Variants in ATP2B2 observed in about 807,000 individuals in gnomAD.
ATP2B2 encodes plasma membrane calcium-transporting ATPase 2.
Under a neutral mutation model 120.0 loss-of-function variants are expected in ATP2B2, and 15 were observed. The ratio of observed to expected loss-of-function variants is 0.12; its 90% CI spans 0.08 to 0.19. The LOEUF (loss-of-function observed/expected upper bound fraction) is 0.19. ATP2B2 is among the 10% of genes least tolerant of loss of function. ATP2B2 has a pLI of 1.00. For synonymous variants in ATP2B2, 694 were observed against 700.3 expected (o/e 0.99, Z 0.14); for missense variants, 1,045 against 1,719.8 (o/e 0.61, Z 6.94).
At chr3:10,396,094 G>A (rs2062026453) in intron 5 of ATP2B2, among the ~76,000 whole-genome samples, 2 of 152,232 alleles carry the variant, frequency 1.3e-5, no homozygotes, top group African/African-American at 2.4e-5. Context: ...GCCCTCACTT[G>A]TCAGATGGGG....
chr3:10,664,466 G>A (rs929224628), intron 1 of ATP2B2, among the ~76,000 whole-genome samples: 13 of 152,076 alleles, frequency 8.5e-5, no homozygotes, highest in Non-Finnish European at 1.5e-4. Flanking sequence ...TTCCTTTTCT[G>A]AAAGATTTGT....
intron 1 of ATP2B2, among the ~76,000 whole-genome samples, chr3:10,468,273 AG>A (rs1456191056): frequency 2.0e-5 from 3 of 152,240 alleles, no homozygotes; most frequent in African/African-American, 7.2e-5. Flanking sequence ...GTGCGAGGCC[AG>A]GGCCCTTAGT....
chr3:10,371,526 G>A (rs971591490), intron 12 of ATP2B2, among the ~76,000 whole-genome samples: 3 of 152,220 alleles, frequency 2.0e-5, no homozygotes, highest in African/African-American at 7.2e-5. Context: ...TGCAGCAAAA[G>A]CACACTAATG....
At chr3:10,498,945 G>A (rs1039626823) in intron 1 of ATP2B2, among the ~76,000 whole-genome samples, 4 of 152,326 alleles carry the variant, frequency 2.6e-5, no homozygotes, top group Non-Finnish European at 5.9e-5. Flanking sequence ...CTGGCATGAT[G>A]AGGGTTCCAT....
At chr3:10,464,014 C>T (rs573305286) in intron 1 of ATP2B2, among the ~76,000 whole-genome samples, 2 of 152,256 alleles carry the variant, frequency 1.3e-5, no homozygotes, top group South Asian at 4.1e-4. Flanking sequence ...AGCCCCAGAC[C>T]CCAGACCCCA....
intron 2 of ATP2B2, among the ~76,000 whole-genome samples, chr3:10,613,075 T>C (rs1468622737): frequency 1.3e-5 from 2 of 152,200 alleles, no homozygotes; most frequent in African/African-American, 4.8e-5. Context: ...TTCAGTCTCA[T>C]GGCTGATGAT....
intron 3 of ATP2B2, among the ~76,000 whole-genome samples, chr3:10,526,518 G>A (rs1458455111): frequency 2.0e-5 from 3 of 152,192 alleles, no homozygotes; most frequent in African/African-American, 7.2e-5. Flanking sequence ...TTTTAGAGGG[G>A]TGCTGTGGGT....
chr3:10,512,326 GAA>G (rs2066777228), intron 3 of ATP2B2, among the ~76,000 whole-genome samples: 1 of 152,086 alleles, frequency 6.6e-6, no homozygotes, highest in Non-Finnish European at 1.5e-5. Context: ...ACACTGCTGG[GAA>G]TATGACCAGT....
chr3:10,498,300 C>T (rs149089569), intron 1 of ATP2B2, among the ~76,000 whole-genome samples: 78 of 152,356 alleles, frequency 5.1e-4, no homozygotes, highest in African/African-American at 1.8e-3. Context: ...AGATGTTGTC[C>T]TCAACTACTG....
At chr3:10,478,342 T>C (rs1351032783) in intron 1 of ATP2B2, among the ~76,000 whole-genome samples, 2 of 152,252 alleles carry the variant, frequency 1.3e-5, no homozygotes, top group South Asian at 2.1e-4. Context: ...CTGTTGATAG[T>C]ATCTTTTGAT....
At chr3:10,462,926 G>A (rs1209676892) in intron 1 of ATP2B2, among the ~76,000 whole-genome samples, 1 of 152,200 alleles carries the variant, frequency 6.6e-6, no homozygotes, top group Non-Finnish European at 1.5e-5. Context: ...AACACCCAGT[G>A]TTGGGTCCCA....
chr3:10,331,773 G>T (rs1000188655), intron 22 of ATP2B2: 1 of 440,772 alleles, frequency 2.3e-6, no homozygotes, highest in Non-Finnish European at 4.1e-6. Flanking sequence ...GAGAGGAAGG[G>T]ACCTGGTGAG....
In ATP2B2 at chr3:10,361,154, A is replaced by G. The variant is rs377118150; in HGVS notation, c.1660-1031T>C. ...CAGACAGACTGTCCCTCATGAGTTC[A>G]ATTAGGTTGAACCAATGGAAACTGC... On this transcript the variant is annotated intron_variant, in intron 12 of 22. Coordinates refer to ENST00000360273, the MANE Select transcript of ATP2B2 (RefSeq NM_001001331.4). Among the ~76,000 whole-genome samples the G allele has an allele frequency of 1.1e-3, 169 of 152,344 alleles. 1 individual carries two copies. The highest frequency in any genetic ancestry group is 3.8e-3 in the African/African-American group (158 of 41,594).
chr3:10,552,408 A>C (rs1268208148), intron 2 of ATP2B2, among the ~76,000 whole-genome samples: 2 of 152,228 alleles, frequency 1.3e-5, no homozygotes, highest in Admixed American at 6.5e-5. Context: ...CTTCCGCCCA[A>C]AGTGAGTGCT....
intron 1 of ATP2B2, among the ~76,000 whole-genome samples, chr3:10,501,535 T>A (rs188989153): frequency 4.3e-3 from 657 of 152,236 alleles, no homozygotes; most frequent in Middle Eastern, 0.02. Context: ...CACACCCTGC[T>A]AATTTTTAAA....
At chr3:10,654,632 T>C (rs80193510) in intron 1 of ATP2B2, among the ~76,000 whole-genome samples, 3,548 of 152,140 alleles carry the variant, frequency 0.023, 69 homozygotes, top group South Asian at 0.09. Flanking sequence ...CCCTCCAGCA[T>C]AGATTTATCC....
chr3:10,383,218 C>A (rs2124823722), intron 8 of ATP2B2, among the ~76,000 whole-genome samples: 1 of 152,016 alleles, frequency 6.6e-6, no homozygotes, highest in Non-Finnish European at 1.5e-5. Flanking sequence ...GTCCTGTGAT[C>A]ACATTTTGAA....
In ATP2B2 at chr3:10,662,380, C is replaced by T. The variant is rs576563609; in HGVS notation, c.-459-42419G>A. 2.3e-4 allele frequency among the ~76,000 whole-genome samples: 35 copies of T among 148,988 alleles called. 1 individual carries two copies. The highest frequency in any genetic ancestry group is 8.5e-4 in the African/African-American group (33 of 38,988). On this transcript the variant is annotated intron_variant, in intron 1 of 21. Transcript: ENST00000646379. ...TAATATCCAGAATCTACAAAGAACT[C>T]AAACAAATTTACAAGAAAAAAACAA... is the stretch of plus-strand genomic sequence containing the variant.
At chr3:10,638,631 G>T (rs1012248252) in intron 1 of ATP2B2, among the ~76,000 whole-genome samples, 1 of 152,128 alleles carries the variant, frequency 6.6e-6, no homozygotes. Context: ...CCCAATAAAT[G>T]TAAGTAGTCT....
Sources: allele counts gnomAD v4.1 joint callset (sites outside exome capture counted in the v4.1 genomes callset), GRCh38; gene constraint gnomAD v4.1.1; transcripts MANE v1.5; gene names NCBI Gene and HGNC (gene_info 2026-07-23, HGNC 2026-07-21).